NDFIP2: variants seen among roughly 807,000 people sequenced by gnomAD.
NDFIP2 encodes Nedd4 family interacting protein 2, also known as NEDD4 family-interacting protein 2.
A neutral mutation model predicts 36.0 loss-of-function variants in NDFIP2; 19 were observed. The observed-to-expected ratio is 0.53, with a 90% CI of 0.37 to 0.77. The LOEUF is 0.77. Among genes scored for constraint, NDFIP2 ranks in the 30% least tolerant of loss-of-function variants. The pLI is 0.00. For synonymous variants in NDFIP2, 181 were observed against 167.7 expected (o/e 1.08, Z -0.61); for missense variants, 446 against 435.8 (o/e 1.02, Z -0.21).
rs1016150902 is a variant in NDFIP2, at chr13:79,518,172, T to A, written c.322-2638T>A. On this transcript the variant is annotated intron_variant, in intron 1 of 7. Coordinates refer to ENST00000218652, the MANE Select transcript of NDFIP2 (RefSeq NM_019080.3). The stretch of plus-strand genomic sequence containing the variant: ...ACGGATGGTAATACCAAGTGCAACA[T>A]GTCACTAGTCAAGAGGGTAGTCATT... Among the ~76,000 whole-genome samples, 4 of 152,344 alleles carry A rather than the reference T, an allele frequency of 2.6e-5. No homozygotes were observed. The East Asian group carries it at 7.7e-4, about 29-fold the overall frequency.
rs1189626637 is a variant in NDFIP2, at chr13:79,481,258, AGC to A, written c.63_64del (p.Gly22ArgfsTer25). 6.5e-7 allele frequency: 1 copy of A among 1,536,020 alleles called. No homozygotes were observed. ...CGCGAGCGGTCCGAGCATGCTCAAT[AGC>A]GCGCGCGGCGCCCCGGAGCTTCTCC... ...VCASGPSMLN[S>X]ARGAPELLRG... On this transcript the variant is annotated frameshift_variant, in exon 1 of 8. Coordinates refer to ENST00000218652, the MANE Select transcript of NDFIP2 (RefSeq NM_019080.3). LOFTEE classifies it high-confidence loss of function.
intron 1 of NDFIP2, among the ~76,000 whole-genome samples, chr13:79,515,133 G>A (rs1390091909): frequency 6.6e-6 from 1 of 152,062 alleles, no homozygotes; most frequent in Non-Finnish European, 1.5e-5. Flanking sequence ...AACTTGTACA[G>A]CATGTTACTG....
At chr13:79,481,951 G>T (rs2079816182) in intron 1 of NDFIP2, among the ~76,000 whole-genome samples, 1 of 152,144 alleles carries the variant, frequency 6.6e-6, no homozygotes, top group Non-Finnish European at 1.5e-5. Flanking sequence ...AATGGGGTGG[G>T]TGAGTAGGTG....
rs562309681 is a variant in NDFIP2 at position 79,521,422 on chromosome 13, T to C, written c.487+447T>C. Among the ~76,000 whole-genome samples, 10 of 152,344 alleles carry C rather than the reference T, an allele frequency of 6.6e-5. No individual in the cohort carries two copies. The East Asian group carries it at 1.7e-3, about 26-fold the overall frequency. ...CAGTTTGATCAGTTTTGTATACCAG[T>C]GTGATTTAGTATACTATCTGATGAT... On this transcript the variant is annotated intron_variant, in intron 2 of 7. Coordinates refer to ENST00000218652, the MANE Select transcript of NDFIP2 (RefSeq NM_019080.3).
intron 1 of NDFIP2, among the ~76,000 whole-genome samples, chr13:79,513,624 A>G (rs1874158696): frequency 6.6e-6 from 1 of 152,138 alleles, no homozygotes; most frequent in South Asian, 2.1e-4. Context: ...GCGTCCTGGA[A>G]GATAGACAAC....
At chr13:79,519,726 A>G (rs1594850786) in intron 1 of NDFIP2, among the ~76,000 whole-genome samples, 1 of 152,356 alleles carries the variant, frequency 6.6e-6, no homozygotes, top group East Asian at 1.9e-4. Flanking sequence ...GAATTTGTTG[A>G]GACGAAGAGC....
rs1418250703 is a variant in NDFIP2 at position 79,555,962 on chromosome 13, A to G, written c.*3449A>G. On this transcript the variant is annotated 3_prime_UTR_variant, in exon 8 of 8. Transcript: ENST00000218652. ...CCTTTCAAGATTGGAGATGAAAACA[A>G]CACTTGTGAAATTAGGTTGGGGTTG... The G allele has an allele frequency of 2.0e-5, 3 of 152,228 alleles. No individual in the cohort carries two copies. The highest frequency in any genetic ancestry group is 7.2e-5 in the African/African-American group (3 of 41,466). The allele number at this position is 152,228 out of a possible 1,614,324, so 9.4% of individuals were successfully genotyped here. A position where few individuals can be genotyped will look rare whatever the true frequency, so the allele number is the denominator to read the frequency against.
intron 3 of NDFIP2, among the ~76,000 whole-genome samples, chr13:79,539,005 A>C (rs934638690): frequency 1.3e-5 from 2 of 152,136 alleles, no homozygotes; most frequent in African/African-American, 4.8e-5. Flanking sequence ...TGCTTGAGGG[A>C]CTGGCATCGA....
intron 3 of NDFIP2, among the ~76,000 whole-genome samples, chr13:79,536,239 A>G (rs111491723): frequency 6.6e-6 from 1 of 152,218 alleles, no homozygotes; most frequent in Non-Finnish European, 1.5e-5. Flanking sequence ...ATTTCATCTT[A>G]TAATGGGTAG....
intron 3 of NDFIP2, among the ~76,000 whole-genome samples, chr13:79,539,000 G>T (rs1483301869): frequency 6.6e-6 from 1 of 152,158 alleles, no homozygotes; most frequent in African/African-American, 2.4e-5. Context: ...GTGGCTGCTT[G>T]AGGGACTGGC....
chr13:79,511,012 A>G (rs1594847593), intron 1 of NDFIP2, among the ~76,000 whole-genome samples: 1 of 151,794 alleles, frequency 6.6e-6, no homozygotes, highest in Middle Eastern at 3.4e-3. Context: ...AAAAAAAAAA[A>G]AAAAGGTGGC....
At chr13:79,546,427 A>G (rs1035601391) in intron 5 of NDFIP2, among the ~76,000 whole-genome samples, 1 of 152,228 alleles carries the variant, frequency 6.6e-6, no homozygotes, top group Non-Finnish European at 1.5e-5. Flanking sequence ...ACAATGAAAT[A>G]GTGATGTTAC....
chr13:79,523,664 T>C (rs1874678474), intron 2 of NDFIP2, among the ~76,000 whole-genome samples: 1 of 152,222 alleles, frequency 6.6e-6, no homozygotes, highest in African/African-American at 2.4e-5. Context: ...TAGTCCCTCT[T>C]TCTCTTGGAA....
intron 2 of NDFIP2, among the ~76,000 whole-genome samples, chr13:79,526,438 C>T (rs765874655): frequency 3.9e-4 from 59 of 152,010 alleles, no homozygotes; most frequent in Non-Finnish European, 7.1e-4. Context: ...AATTCTTAAT[C>T]CATGAATGAA....
Position 79,554,536 on chromosome 13 carries a change from T to C in NDFIP2, c.*2023T>C, listed in dbSNP as rs1490148496. 6.6e-6 allele frequency: 1 copy of C among 151,902 alleles called. No homozygotes were observed. Among genetic ancestry groups the C allele is most frequent in the Non-Finnish European group, 1.5e-5 (1 of 67,776 alleles). 9.4% of individuals were successfully genotyped at this position (151,902 alleles called of 1,614,324 possible). ...AAACTTCACTTTTTGTTTTGACTTT[T>C]CCCCCCAAATCTGTAAGGTTCAAGT... On this transcript the variant is annotated 3_prime_UTR_variant, in exon 8 of 8. Transcript: ENST00000218652.
intron 4 of NDFIP2, among the ~76,000 whole-genome samples, chr13:79,542,420 G>T (rs1484144246): frequency 2.0e-5 from 3 of 151,990 alleles, no homozygotes; most frequent in Non-Finnish European, 4.4e-5. Flanking sequence ...GTACTATTTT[G>T]CATTCCCACC....
intron 1 of NDFIP2, among the ~76,000 whole-genome samples, chr13:79,496,770 G>T (rs1044360134): frequency 7.2e-5 from 11 of 151,836 alleles, no homozygotes; most frequent in Admixed American, 6.6e-4. Flanking sequence ...TGGGTAAATT[G>T]TATAATTTTA....
Position 79,554,084 on chromosome 13 carries a change from G to T in NDFIP2, c.*1571G>T, listed in dbSNP as rs1876012601. 1 of 150,900 alleles carries T rather than the reference G, an allele frequency of 6.6e-6. No individual in the cohort carries two copies. The highest frequency in any genetic ancestry group is 1.5e-5 in the Non-Finnish European group (1 of 67,434). 9.3% of individuals were successfully genotyped at this position (150,900 alleles called of 1,614,324 possible). ...TTGATAAATAAAACAGTTTTGTTTT[G>T]CTAATATAGCCTATTTTTTGTTTTG... is the stretch of plus-strand genomic sequence containing the variant. On this transcript the variant is annotated 3_prime_UTR_variant, in exon 8 of 8. Transcript: ENST00000218652.
intron 1 of NDFIP2, among the ~76,000 whole-genome samples, chr13:79,496,684 T>G (rs1319472529): frequency 6.6e-6 from 1 of 151,842 alleles, no homozygotes; most frequent in Non-Finnish European, 1.5e-5. Flanking sequence ...AAAAAAACTT[T>G]TAAAGGGTTT....
Sources: gnomAD v4.1 joint callset for allele counts (sites outside exome capture counted in the v4.1 genomes callset) on GRCh38, gnomAD v4.1.1 for gene constraint, MANE v1.5 for transcripts, NCBI Gene and HGNC (gene_info 2026-07-23, HGNC 2026-07-21) for gene names.